Variants in PMP22 observed in about 807,000 individuals in gnomAD.
PMP22 encodes the protein peripheral myelin protein 22.
In PMP22, 2 loss-of-function variants were observed where a neutral mutation model predicts 18.9. The ratio of observed to expected loss-of-function variants is 0.11; its 90% CI spans 0.04 to 0.33. The LOEUF (loss-of-function observed/expected upper bound fraction) is 0.33. PMP22 is among the 10% of genes least tolerant of loss of function. The pLI, the probability that PMP22 is intolerant of heterozygous loss-of-function variation, is 1.00. For missense variants in PMP22, 169 were observed against 202.2 expected (o/e 0.84, Z 1.00); for synonymous variants, 95 against 89.2 (o/e 1.07, Z -0.37).
chr17:15,249,776 A>G (rs189623752), intron 3 of PMP22, among the ~76,000 whole-genome samples: 52 of 152,300 alleles, frequency 3.4e-4, no homozygotes, highest in African/African-American at 1.2e-3. Context: ...CCCTGCAGTC[A>G]TTGTCCAGGA....
At chr17:15,239,757 C>A in intron 3 of PMP22, 146 bp from the exon 4 acceptor site, 1 of 712,528 alleles carries the variant, frequency 1.4e-6, no homozygotes, top group Non-Finnish European at 2.4e-6. Flanking sequence ...CTTAGCAGAA[C>A]TCAGACAATT....
chr17:15,242,015 G>T (rs1013413184), intron 3 of PMP22, among the ~76,000 whole-genome samples: 1 of 152,070 alleles, frequency 6.6e-6, no homozygotes, highest in African/African-American at 2.4e-5. Flanking sequence ...ATTTTGGGAG[G>T]CTGAGGCAGG....
At chr17:15,252,586 G>C (rs912911389) in intron 3 of PMP22, among the ~76,000 whole-genome samples, 3 of 152,220 alleles carry the variant, frequency 2.0e-5, no homozygotes, top group Non-Finnish European at 4.4e-5. Context: ...GGCCAAGGAC[G>C]TTTGGGGACA....
chr17:15,256,281 G>A (rs1042681937), intron 3 of PMP22, among the ~76,000 whole-genome samples: 2 of 152,190 alleles, frequency 1.3e-5, no homozygotes, highest in Non-Finnish European at 2.9e-5. Context: ...AAAACAACAT[G>A]AGTGGCAACC....
At chr17:15,239,193 G>T (rs764448044) in intron 4 of PMP22, 9 of 604,412 alleles carry the variant, frequency 1.5e-5, no homozygotes, top group East Asian at 8.2e-5. Context: ...CTGTTGATAC[G>T]CCTGGCTTGG....
At chr17:15,262,939 C>T (rs1245268906) in intron 1 of PMP22, among the ~76,000 whole-genome samples, 2 of 152,062 alleles carry the variant, frequency 1.3e-5, no homozygotes, top group Non-Finnish European at 2.9e-5. Context: ...ACCGCGCCCG[C>T]GCGGGGCTGA....
intron 1 of PMP22, among the ~76,000 whole-genome samples, chr17:15,263,598 C>T (rs1441976266): frequency 2.0e-5 from 3 of 151,510 alleles, no homozygotes; most frequent in African/African-American, 7.3e-5. Flanking sequence ...CACACACACA[C>T]ACACACTTCC....
At chr17:15,263,036 C>G (rs1478285113) in intron 1 of PMP22, among the ~76,000 whole-genome samples, 1 of 152,220 alleles carries the variant, frequency 6.6e-6, no homozygotes, top group Non-Finnish European at 1.5e-5. Flanking sequence ...GGAGCCCCTG[C>G]CCTGTCCTGG....
In PMP22 at chr17:15,258,791, C is replaced by T. The variant is rs746845681; in HGVS notation, c.178+303G>A. ...TGCCAAAGGCTTAGCTATCATACCA[C>T]CTTCACAGCTCCCAGGTCGATATTT... On this transcript the variant is annotated intron_variant, in intron 3 of 4. Coordinates refer to ENST00000312280, the MANE Select transcript of PMP22 (RefSeq NM_000304.4). This position sits in a 1 kb window ranked among gnomAD's most constrained non-coding sequence, Gnocchi z 4.1. The T allele has an allele frequency of 2.4e-6, 1 of 422,036 alleles. No homozygotes were observed. The highest frequency in any genetic ancestry group is 2.0e-5 in the African/African-American group (1 of 49,216). 26.1% of individuals were successfully genotyped at this position (422,036 alleles called of 1,614,324 possible). A position where few individuals can be genotyped will look rare whatever the true frequency, so the allele number is the denominator to read the frequency against.
chr17:15,248,120 C>T (rs777215887), intron 3 of PMP22, among the ~76,000 whole-genome samples: 1 of 152,218 alleles, frequency 6.6e-6, no homozygotes, highest in African/African-American at 2.4e-5. Context: ...CAAAGCCCAG[C>T]GTGGGTCTTG....
At chr17:15,252,892 C>T (rs1335166136) in intron 3 of PMP22, among the ~76,000 whole-genome samples, 1 of 152,198 alleles carries the variant, frequency 6.6e-6, no homozygotes, top group Admixed American at 6.5e-5. Context: ...AGCTCTTGGG[C>T]TCCCAAGCCG....
intron 3 of PMP22, among the ~76,000 whole-genome samples, chr17:15,245,042 G>C (rs180821621): frequency 6.6e-6 from 1 of 152,200 alleles, no homozygotes; most frequent in African/African-American, 2.4e-5. Context: ...AAACAACAAG[G>C]GATTTTCCTT....
chr17:15,241,539 T>C (rs1567706569), intron 3 of PMP22, among the ~76,000 whole-genome samples: 1 of 152,152 alleles, frequency 6.6e-6, no homozygotes, highest in South Asian at 2.1e-4. Context: ...TGAGATACTG[T>C]CTTCACCCTT....
chr17:15,248,063 C>A (rs1246064099), intron 3 of PMP22, among the ~76,000 whole-genome samples: 3 of 152,244 alleles, frequency 2.0e-5, no homozygotes, highest in Non-Finnish European at 2.9e-5. Context: ...CCATCCTAAA[C>A]AATGTGGCCT....
chr17:15,234,975 C>G (rs1001470763), intron 4 of PMP22, among the ~76,000 whole-genome samples: 1 of 152,094 alleles, frequency 6.6e-6, no homozygotes, highest in Non-Finnish European at 1.5e-5. Flanking sequence ...CTCCAAGGCA[C>G]CCCACTAATT....
intron 3 of PMP22, among the ~76,000 whole-genome samples, chr17:15,257,282 A>T (rs1381942508): frequency 6.6e-6 from 1 of 152,242 alleles, no homozygotes; most frequent in East Asian, 1.9e-4. Context: ...AATCTGTAAC[A>T]TGCTACAGGT....
chr17:15,254,142 T>C (rs191402503), intron 3 of PMP22, among the ~76,000 whole-genome samples: 119 of 152,294 alleles, frequency 7.8e-4, no homozygotes, highest in African/African-American at 2.8e-3. Flanking sequence ...TTCAGGTAGA[T>C]TCCGATGGGC....
intron 3 of PMP22, among the ~76,000 whole-genome samples, chr17:15,248,681 A>C (rs1323319275): frequency 6.6e-6 from 1 of 152,064 alleles, no homozygotes; most frequent in South Asian, 2.1e-4. Context: ...TGCTCTTGGA[A>C]GACTTACTCC....
intron 3 of PMP22, among the ~76,000 whole-genome samples, chr17:15,239,860 C>T (rs931841180): frequency 1.3e-5 from 2 of 152,080 alleles, no homozygotes; most frequent in Non-Finnish European, 2.9e-5. Context: ...CTGATATATA[C>T]ATATACAAAC....
Sources: allele counts gnomAD v4.1 joint callset (sites outside exome capture counted in the v4.1 genomes callset), GRCh38; gene constraint gnomAD v4.1.1; non-coding constraint Gnocchi (gnomAD v3.1); transcripts MANE v1.5; gene names NCBI Gene and HGNC (gene_info 2026-07-23, HGNC 2026-07-21).